PTPN12: variants seen among roughly 807,000 people sequenced by gnomAD.
The protein encoded by PTPN12 is tyrosine-protein phosphatase non-receptor type 12.
A neutral mutation model predicts 97.6 loss-of-function variants in PTPN12; 29 were observed. That is an observed-to-expected ratio of 0.30 (90% CI 0.22 to 0.41). The LOEUF (loss-of-function observed/expected upper bound fraction) is 0.41, where lower values mean the gene tolerates loss of function less well. PTPN12 is among the 10% of genes least tolerant of loss of function. The pLI, the probability that PTPN12 is intolerant of heterozygous loss-of-function variation, is 1.00. For synonymous variants in PTPN12, 327 were observed against 300.4 expected (o/e 1.09, Z -0.91); for missense variants, 819 against 926.0 (o/e 0.88, Z 1.50).
At chr7:77,567,129 T>G (rs1808297776) in intron 1 of PTPN12, among the ~76,000 whole-genome samples, 1 of 151,330 alleles carries the variant, frequency 6.6e-6, no homozygotes, top group Non-Finnish European at 1.5e-5. Flanking sequence ...TTCTGTTTCA[T>G]AGAGTTTAAA....
At chr7:77,544,112 C>T (rs932376264) in intron 1 of PTPN12, among the ~76,000 whole-genome samples, 1 of 152,202 alleles carries the variant, frequency 6.6e-6, no homozygotes, top group African/African-American at 2.4e-5. Context: ...AGCTGCTGCA[C>T]ATATTACATT....
chr7:77,571,224 G>T, intron 2 of PTPN12, 38 bp downstream of exon 2: 2 of 1,304,028 alleles, frequency 1.5e-6, no homozygotes, highest in Non-Finnish European at 2.2e-6. Flanking sequence ...ACATAGAAAT[G>T]CTAATTAGCC....
In PTPN12 at chr7:77,581,481, A is replaced by G. The variant is rs1787514144; in HGVS notation, c.263A>G (p.Tyr88Cys). 6.3e-7 allele frequency: 1 copy of G among 1,598,638 alleles called. No homozygotes were observed. The part of the protein sequence containing the change: ...TLKTPSQDSD[Y>C]INANFIKGVY... ...AAGACTCCTTCACAAGATTCAGACTATATCAATGCAAATTTTATAAAGGTA... is the reference window on the plus strand; with the variant it reads ...AAGACTCCTTCACAAGATTCAGACTGTATCAATGCAAATTTTATAAAGGTA... Residue 88 changes from tyrosine to cysteine, a missense_variant, in exon 3 of 18, where the codon TAT becomes TGT. Transcript: ENST00000248594.
intron 1 of PTPN12, among the ~76,000 whole-genome samples, chr7:77,540,489 C>G (rs185562669): frequency 1.3e-3 from 194 of 151,942 alleles, no homozygotes; most frequent in African/African-American, 4.5e-3. Context: ...TGTGATCTGC[C>G]CGCCTCAGCC....
At chr7:77,635,457 C>T (rs2151409908) in intron 14 of PTPN12, among the ~76,000 whole-genome samples, 1 of 152,304 alleles carries the variant, frequency 6.6e-6, no homozygotes, top group East Asian at 1.9e-4. Context: ...AAACGGTATA[C>T]TTCAGTTGTC....
At chr7:77,635,615 ATT>A (rs57476200) in intron 14 of PTPN12, among the ~76,000 whole-genome samples, 165 bp from the exon 15 acceptor site, 6 of 147,810 alleles carry the variant, frequency 4.1e-5, no homozygotes, top group African/African-American at 1.5e-4. Flanking sequence ...AGAAACTACA[ATT>A]TTTTTTTTTT....
chr7:77,563,896 C>T (rs1255046187), intron 1 of PTPN12: 11 of 430,106 alleles, frequency 2.6e-5, no homozygotes, highest in Non-Finnish European at 4.2e-5. Flanking sequence ...TGCTTATAAC[C>T]ATTATCGTTA....
intron 11 of PTPN12, among the ~76,000 whole-genome samples, chr7:77,613,574 C>T (rs1444039572): frequency 6.6e-6 from 1 of 151,942 alleles, no homozygotes; most frequent in Non-Finnish European, 1.5e-5. Flanking sequence ...GGTTTTTAGG[C>T]TGGATGCAGT....
At chr7:77,540,702 C>T (rs181812059) in intron 1 of PTPN12, among the ~76,000 whole-genome samples, 17 of 150,986 alleles carry the variant, frequency 1.1e-4, no homozygotes, top group Admixed American at 9.9e-4. Flanking sequence ...TTAAGACAGC[C>T]GGTAGTTGGT....
At chr7:77,621,611 G>A (rs1055173298) in intron 12 of PTPN12, among the ~76,000 whole-genome samples, 4 of 152,042 alleles carry the variant, frequency 2.6e-5, no homozygotes, top group Admixed American at 2.6e-4. Context: ...GGAGGTTGCA[G>A]TGAGCCAAGA....
intron 8 of PTPN12, among the ~76,000 whole-genome samples, chr7:77,606,096 G>A (rs562479823): frequency 9.2e-5 from 14 of 151,786 alleles, no homozygotes; most frequent in Non-Finnish European, 1.6e-4. Flanking sequence ...CTGGGATTGC[G>A]TGTGTCTGCC....
At chr7:77,624,083 A>G (rs759040947) in intron 12 of PTPN12, among the ~76,000 whole-genome samples, 2 of 152,134 alleles carry the variant, frequency 1.3e-5, no homozygotes, top group Non-Finnish European at 2.9e-5. Context: ...CAACATGAAC[A>G]TGGCAAAACC....
At chr7:77,543,635 C>T (rs886320078) in intron 1 of PTPN12, among the ~76,000 whole-genome samples, 13 of 152,062 alleles carry the variant, frequency 8.5e-5, no homozygotes, top group Middle Eastern at 3.2e-3. Flanking sequence ...AATTTTAGGA[C>T]ATTTTCTTCA....
At chr7:77,599,696 A>G (rs1258285415) in intron 7 of PTPN12, among the ~76,000 whole-genome samples, 1 of 152,204 alleles carries the variant, frequency 6.6e-6, no homozygotes, top group Non-Finnish European at 1.5e-5. Flanking sequence ...ATATCCAGAT[A>G]CTGTTACGTC....
chr7:77,606,295 C>CGTTGTTAGCTAGTCACATTTTCT (rs1272842688), intron 8 of PTPN12, among the ~76,000 whole-genome samples: 10 of 151,872 alleles, frequency 6.6e-5, no homozygotes, highest in Admixed American at 2.0e-4. Context: ...CTCTGTAAGA[C>CGTTGTTAGCTAGTCACATTTTCT]GTTGTTAGCT....
At chr7:77,635,933 T>TACAG (rs1260899597) in intron 15 of PTPN12, 84 bp downstream of exon 15, 21 of 874,644 alleles carry the variant, frequency 2.4e-5, no homozygotes, top group Non-Finnish European at 3.7e-5. Context: ...GAAATAGCTG[T>TACAG]CATCTTAAGA....
intron 16 of PTPN12, 121 bp from the exon 17 acceptor site, chr7:77,638,503 T>C (rs531613451): frequency 3.1e-6 from 4 of 1,293,006 alleles, no homozygotes; most frequent in Admixed American, 3.7e-5. Flanking sequence ...TGTAAAATTA[T>C]GGTGCCCAGG....
chr7:77,612,126 G>T (rs1168669311), intron 11 of PTPN12, among the ~76,000 whole-genome samples: 1 of 151,936 alleles, frequency 6.6e-6, no homozygotes, highest in African/African-American at 2.4e-5. Flanking sequence ...GGTTTTGTCA[G>T]TTCCCAGAAT....
Position 77,626,745 on chromosome 7 carries a change from C to T in PTPN12, c.1066C>T (p.Pro356Ser), listed in dbSNP as rs752211731. 9 of 1,606,950 alleles carry T rather than the reference C, an allele frequency of 5.6e-6. No individual in the cohort carries two copies. The highest frequency in any genetic ancestry group is 1.7e-4 in the Middle Eastern group (1 of 6,048). Reference sequence around the variant, plus strand: ...GGATGCTAAAGAAGAAATACTGCAGCCACCGGAACCTCATCCAGTGCCACC... The same window carrying T: ...GGATGCTAAAGAAGAAATACTGCAGTCACCGGAACCTCATCCAGTGCCACC... The part of the protein sequence containing the change: ...EGDAKEEILQ[P>S]PEPHPVPPIL... Residue 356 changes from proline (P) to serine (S), a missense_variant, in exon 13 of 18, where the codon CCA becomes TCA. Transcript: ENST00000248594.
Sources: gnomAD v4.1 joint callset for allele counts (sites outside exome capture counted in the v4.1 genomes callset) on GRCh38, gnomAD v4.1.1 for gene constraint, MANE v1.5 for transcripts, NCBI Gene and HGNC (gene_info 2026-07-23, HGNC 2026-07-21) for gene names.